The following SVOPL variants were observed in gnomAD, a reference collection of about 807,000 sequenced individuals.
The protein encoded by SVOPL is putative transporter SVOPL.
A neutral mutation model predicts 61.0 loss-of-function variants in SVOPL; 60 were observed. That is an observed-to-expected ratio of 0.98 (90% CI 0.80 to 1.22). The LOEUF (loss-of-function observed/expected upper bound fraction) is 1.22. Ranked by LOEUF, SVOPL falls within the 50% of genes most tolerant of loss-of-function variation. SVOPL has a pLI of 0.00. For synonymous variants in SVOPL, 279 were observed against 250.0 expected (o/e 1.12, Z -1.09); for missense variants, 662 against 643.9 (o/e 1.03, Z -0.30).
intron 9 of SVOPL, among the ~76,000 whole-genome samples, chr7:138,643,684 C>T (rs746674367): frequency 1.4e-5 from 2 of 140,138 alleles, no homozygotes; most frequent in South Asian, 2.2e-4. Context: ...TATGATTCTA[C>T]GTGTGAGGGA....
intron 1 of SVOPL, among the ~76,000 whole-genome samples, chr7:138,680,797 CT>C (rs1453470577): frequency 1.3e-5 from 2 of 152,078 alleles, no homozygotes; most frequent in Non-Finnish European, 2.9e-5. Context: ...CCAGGATGGT[CT>C]CGATCTCCTG....
chr7:138,597,553 T>C (rs1325246533), intron 14 of SVOPL, among the ~76,000 whole-genome samples: 2 of 138,770 alleles, frequency 1.4e-5, no homozygotes, highest in Non-Finnish European at 1.5e-5. Flanking sequence ...TATTTTGCAA[T>C]TGACCTAGCA....
intron 10 of SVOPL, among the ~76,000 whole-genome samples, chr7:138,629,101 G>A (rs1214610574): frequency 6.8e-6 from 1 of 147,076 alleles, no homozygotes; most frequent in Non-Finnish European, 1.5e-5. Context: ...AAAATGATAT[G>A]TCTAATATAT....
chr7:138,624,436 T>C (rs1799805921), intron 13 of SVOPL, among the ~76,000 whole-genome samples: 1 of 152,250 alleles, frequency 6.6e-6, no homozygotes. Context: ...GTTCTCCATT[T>C]GATGCCATCT....
At chr7:138,658,270 T>C (rs895703610) in intron 6 of SVOPL, among the ~76,000 whole-genome samples, 4 of 152,048 alleles carry the variant, frequency 2.6e-5, no homozygotes, top group Admixed American at 6.6e-5. Flanking sequence ...TCTAGTTCGA[T>C]CCCATCTGAC....
At chr7:138,687,208 C>A (rs992715460) in intron 1 of SVOPL, among the ~76,000 whole-genome samples, 1 of 123,150 alleles carries the variant, frequency 8.1e-6, no homozygotes, top group East Asian at 2.3e-4. Flanking sequence ...TTTGGAAGCT[C>A]TTTTTTTTCC....
chr7:138,654,496 G>GTTTTT (rs1212185361), intron 7 of SVOPL, among the ~76,000 whole-genome samples: 2 of 69,704 alleles, frequency 2.9e-5, no homozygotes, highest in African/African-American at 9.3e-5. Flanking sequence ...GGTTTACTGA[G>GTTTTT]TTTGTTTTTT....
At chr7:138,633,079 G>A (rs1800290596) in intron 9 of SVOPL, among the ~76,000 whole-genome samples, 1 of 152,104 alleles carries the variant, frequency 6.6e-6, no homozygotes, top group Admixed American at 6.6e-5. Context: ...TGCTCGATAA[G>A]ATGTGATTGT....
chr7:138,655,377 C>T (rs376907977), intron 7 of SVOPL, among the ~76,000 whole-genome samples: 24 of 152,024 alleles, frequency 1.6e-4, no homozygotes, highest in Admixed American at 4.6e-4. Flanking sequence ...TGGTGGTGCA[C>T]GTCTGTAATT....
At chr7:138,646,968 C>T (rs1439228007) in intron 8 of SVOPL, among the ~76,000 whole-genome samples, 1 of 152,194 alleles carries the variant, frequency 6.6e-6, no homozygotes, top group Non-Finnish European at 1.5e-5. Context: ...GCCAACTGGG[C>T]TTGTCCAGAA....
At chr7:138,600,943 C>CT (rs1038913758) in intron 14 of SVOPL, among the ~76,000 whole-genome samples, 45 of 152,094 alleles carry the variant, frequency 3.0e-4, no homozygotes, top group African/African-American at 1.0e-3. Flanking sequence ...AGCAATCCCT[C>CT]TGCTGGATAC....
chr7:138,652,963 T>A (rs1801513905), intron 7 of SVOPL, among the ~76,000 whole-genome samples: 1 of 152,068 alleles, frequency 6.6e-6, no homozygotes, highest in Non-Finnish European at 1.5e-5. Flanking sequence ...GCTACCCCAG[T>A]GAACAAAAGT....
At chr7:138,611,899 C>T (rs558726958) in intron 14 of SVOPL, among the ~76,000 whole-genome samples, 1 of 32,146 alleles carries the variant, frequency 3.1e-5, no homozygotes, top group African/African-American at 1.5e-4. Context: ...GAGGTGTGCC[C>T]AACAGCTCAT....
At chr7:138,602,355 T>C (rs538719347) in intron 14 of SVOPL, among the ~76,000 whole-genome samples, 269 of 151,844 alleles carry the variant, frequency 1.8e-3, no homozygotes, top group African/African-American at 6.2e-3. Flanking sequence ...GGCACATACA[T>C]GCCACAGAAA....
Position 138,621,114 on chromosome 7 carries a change from C to T in SVOPL, c.1285G>A (p.Ala429Thr), listed in dbSNP as rs746689175. The change falls in exon 14 of 16, where the codon GCT becomes ACT. Residue 429 changes from alanine to threonine, a missense_variant. Physicochemically the swap from Ala to Thr is moderately conservative, Grantham distance 58 (BLOSUM62 0). Transcript: ENST00000674285. The stretch of plus-strand genomic sequence containing the variant: ...GAGCCGCTGGTTCCCATCCCCAAAG[C>T]GCGCATCGTGGTGGGGTAGACCTGC... ...TAEVYPTTMR[A>T]LGMGTSGSLC... 18 of 1,613,564 alleles carry T rather than the reference C, an allele frequency of 1.1e-5. No individual in the cohort carries two copies. The highest frequency in any genetic ancestry group is 1.1e-4 in the African/African-American group (8 of 74,894).
chr7:138,634,452 G>A (rs967874417), intron 9 of SVOPL, among the ~76,000 whole-genome samples: 1 of 151,618 alleles, frequency 6.6e-6, no homozygotes. Context: ...AGACCAGCCT[G>A]GGCCAGTGAG....
At chr7:138,662,280 G>T in intron 5 of SVOPL, 1 of 985,434 alleles carries the variant, frequency 1.0e-6, no homozygotes, top group African/African-American at 1.7e-5. Flanking sequence ...TCCATCACAG[G>T]CTTTAAAACT....
At chr7:138,622,148 A>ACAG (rs1799658512) in intron 13 of SVOPL, among the ~76,000 whole-genome samples, 1 of 128,930 alleles carries the variant, frequency 7.8e-6, no homozygotes. Flanking sequence ...GTATCTATCT[A>ACAG]TGTATCTATC....
In SVOPL at chr7:138,596,897, A is replaced by G. The variant is rs1486530170; in HGVS notation, c.1354-367T>C. 12 of 1,089,770 alleles carry G rather than the reference A, an allele frequency of 1.1e-5. No individual in the cohort carries two copies. The South Asian group carries it at 1.9e-4, about 17-fold the overall frequency. The allele number at this position is 1,089,770 out of a possible 1,614,324, so 67.5% of individuals were successfully genotyped here. A position where few individuals can be genotyped will look rare whatever the true frequency, so the allele number is the denominator to read the frequency against. On this transcript the variant is annotated intron_variant, in intron 14 of 15. Transcript: ENST00000674285. ...TAACTTCTAACTCTCACTTCATGCT[A>G]TATCCTCTGTCTGCCAAATATCCAT...
Sources: allele counts gnomAD v4.1 joint callset (sites outside exome capture counted in the v4.1 genomes callset), GRCh38; gene constraint gnomAD v4.1.1; transcripts MANE v1.5; gene names NCBI Gene and HGNC (gene_info 2026-07-23, HGNC 2026-07-21).